Variants in CSGALNACT1 observed in about 807,000 individuals in gnomAD.
The protein encoded by CSGALNACT1 is chondroitin sulfate N-acetylgalactosaminyltransferase 1, also known as beta4GalNAcT-1.
A neutral mutation model predicts 51.0 loss-of-function variants in CSGALNACT1; 52 were observed. The observed-to-expected ratio is 1.02, with a 90% CI of 0.82 to 1.29. The LOEUF (loss-of-function observed/expected upper bound fraction) is 1.29, where lower values mean the gene tolerates loss of function less well. Ranked by LOEUF, CSGALNACT1 falls within the 50% of genes most tolerant of loss-of-function variation. The probability of loss-of-function intolerance (pLI) is 0.00; values close to 1 mark genes in which losing one functional copy is unlikely to be tolerated. For missense variants in CSGALNACT1, 935 were observed against 679.2 expected, an observed-to-expected ratio of 1.38 and a Z score of -4.19; for synonymous variants, 341 against 254.4, an observed-to-expected ratio of 1.34 and a Z score of -3.24.
intron 1 of CSGALNACT1, among the ~76,000 whole-genome samples, chr8:19,709,009 T>C (rs1342528492): frequency 1.3e-5 from 2 of 152,254 alleles, no homozygotes; most frequent in African/African-American, 4.8e-5. Context: ...TTAGATAAAG[T>C]ACATGAATGT....
intron 2 of CSGALNACT1, among the ~76,000 whole-genome samples, chr8:19,599,520 G>GAAAGAAAGAAAGAAAGAAAGA (rs1554751495): frequency 2.4e-4 from 31 of 127,232 alleles, no homozygotes; most frequent in Middle Eastern, 3.9e-3. Context: ...AAGAAAGAAA[G>GAAAGAAAGAAAGAAAGAAAGA]AAAGAAAAGA....
chr8:19,745,883 C>T (rs945439035), intron 1 of CSGALNACT1, among the ~76,000 whole-genome samples: 5 of 152,074 alleles, frequency 3.3e-5, no homozygotes, highest in Admixed American at 6.6e-5. Flanking sequence ...AATATAAGTA[C>T]ACATCGGAAA....
Position 19,690,087 on chromosome 8 carries a change from G to C in CSGALNACT1, c.-297+67763C>G, listed in dbSNP as rs565403784. ...AACAAATAAAACACTATATTGTAGA[G>C]ACAACTGCAGGTATAAATTTACTAC... On this transcript the variant is annotated intron_variant, in intron 1 of 1. Coordinates refer to the CSGALNACT1 transcript ENST00000517494. Among the ~76,000 whole-genome samples, 5 of 152,266 alleles carry C rather than the reference G, an allele frequency of 3.3e-5. No homozygotes were observed. In the South Asian group the frequency reaches 8.3e-4, roughly 25 times the overall value.
chr8:19,667,341 T>C (rs1438628272), intron 1 of CSGALNACT1, among the ~76,000 whole-genome samples: 1 of 151,704 alleles, frequency 6.6e-6, no homozygotes, highest in African/African-American at 2.4e-5. Flanking sequence ...AGGCTGAGGT[T>C]AGGGGGACTG....
intron 2 of CSGALNACT1, among the ~76,000 whole-genome samples, chr8:19,595,722 A>G (rs1198409315): frequency 6.6e-6 from 1 of 152,082 alleles, no homozygotes; most frequent in Admixed American, 6.6e-5. Context: ...TTAAGTAACA[A>G]TTGAACTGTT....
chr8:19,421,657 C>T (rs887249903), intron 6 of CSGALNACT1, among the ~76,000 whole-genome samples: 3 of 152,232 alleles, frequency 2.0e-5, no homozygotes, highest in Non-Finnish European at 2.9e-5. Flanking sequence ...ATTCCAAGTA[C>T]CCGTCTCGGG....
chr8:19,511,267 A>G (rs1238860942), intron 3 of CSGALNACT1, among the ~76,000 whole-genome samples: 1 of 152,258 alleles, frequency 6.6e-6, no homozygotes, highest in Non-Finnish European at 1.5e-5. Context: ...TGATGGAGAA[A>G]AAAACAAGCA....
At chr8:19,418,555 T>A in intron 8 of CSGALNACT1, 101 bp downstream of exon 7, 1 of 804,942 alleles carries the variant, frequency 1.2e-6, no homozygotes, top group South Asian at 1.4e-5. Flanking sequence ...AAGGGAATCA[T>A]TGCACAGATT....
At position 19,551,191 on chromosome 8, in the gene CSGALNACT1, C is replaced by T. The variant is rs146689263; in HGVS notation, c.-297+39969G>A. ...ACAATTCCCTTATTTACAACAAAGTCGGATAACAGGCTGACACCAGCTGGA... is the reference window on the plus strand; with the variant it reads ...ACAATTCCCTTATTTACAACAAAGTTGGATAACAGGCTGACACCAGCTGGA... On this transcript the variant is annotated intron_variant, in intron 3 of 9. Coordinates refer to ENST00000454498, the Ensembl canonical transcript of CSGALNACT1. Among the ~76,000 whole-genome samples the T allele has an allele frequency of 6.6e-5, 10 of 152,292 alleles. No individual in the cohort carries two copies. The East Asian group carries it at 7.7e-4, about 12-fold the overall frequency.
chr8:19,517,799 A>C (rs28680762), intron 3 of CSGALNACT1, among the ~76,000 whole-genome samples: 14,792 of 152,192 alleles, frequency 0.097, 2,316 homozygotes, highest in African/African-American at 0.33. Context: ...ATTATCTCCC[A>C]CCAGGTCCCT....
intron 1 of CSGALNACT1, among the ~76,000 whole-genome samples, chr8:19,677,241 T>C (rs1478362612): frequency 6.6e-6 from 1 of 152,164 alleles, no homozygotes; most frequent in Non-Finnish European, 1.5e-5. Flanking sequence ...CCTGAGTAGC[T>C]GGGACCACAG....
chr8:19,617,538 A>C (rs1410545080), intron 1 of CSGALNACT1, among the ~76,000 whole-genome samples: 2 of 152,226 alleles, frequency 1.3e-5, no homozygotes, highest in Admixed American at 6.5e-5. Context: ...TAAATTAATA[A>C]ACACAAAACA....
intron 6 of CSGALNACT1, 27 bp downstream of exon 5, chr8:19,439,803 C>G: frequency 6.4e-7 from 1 of 1,569,634 alleles, no homozygotes; most frequent in South Asian, 1.1e-5. Flanking sequence ...ACCAGGATTC[C>G]TTATGACAGC....
intron 5 of CSGALNACT1, chr8:19,457,756 A>G: frequency 3.0e-6 from 4 of 1,350,800 alleles, no homozygotes; most frequent in Non-Finnish European, 3.9e-6. Flanking sequence ...ACAGCTTCTA[A>G]GATCCAACAC....
intron 1 of CSGALNACT1, among the ~76,000 whole-genome samples, chr8:19,608,923 A>T (rs2051786603): frequency 6.6e-6 from 1 of 152,204 alleles, no homozygotes; most frequent in Non-Finnish European, 1.5e-5. Context: ...GTAGACAGTC[A>T]CTGCAAAAAT....
chr8:19,407,586 A>C (rs900868763), intron 9 of CSGALNACT1, among the ~76,000 whole-genome samples: 1 of 152,284 alleles, frequency 6.6e-6, no homozygotes, highest in South Asian at 2.1e-4. Flanking sequence ...GGAGGCCTCT[A>C]TTCTCATCCT....
intron 6 of CSGALNACT1, among the ~76,000 whole-genome samples, chr8:19,425,234 G>A (rs1039615394): frequency 6.6e-6 from 1 of 152,138 alleles, no homozygotes; most frequent in African/African-American, 2.4e-5. Context: ...CTCACTACTT[G>A]GGAGGCTGAG....
intron 3 of CSGALNACT1, among the ~76,000 whole-genome samples, chr8:19,507,905 G>T (rs1193563385): frequency 2.6e-5 from 4 of 152,252 alleles, no homozygotes; most frequent in Non-Finnish European, 5.9e-5. Flanking sequence ...GGGATTACAG[G>T]CGTGAGCCGC....
At chr8:19,731,283 G>A (rs1042171682) in intron 1 of CSGALNACT1, among the ~76,000 whole-genome samples, 27 of 152,024 alleles carry the variant, frequency 1.8e-4, no homozygotes, top group African/African-American at 5.1e-4. Context: ...TGAGGCAGGC[G>A]GATCACCTAA....
Sources: gnomAD v4.1 joint callset for allele counts (sites outside exome capture counted in the v4.1 genomes callset) on GRCh38, gnomAD v4.1.1 for gene constraint, MANE v1.5 for transcripts, NCBI Gene and HGNC (gene_info 2026-07-23, HGNC 2026-07-21) for gene names.